AKAP6: variants seen among roughly 807,000 people sequenced by gnomAD.
AKAP6 encodes the protein A-kinase anchor protein 6.
A neutral mutation model predicts 188.5 loss-of-function variants in AKAP6; 58 were observed. That is an observed-to-expected ratio of 0.31 (90% CI 0.25 to 0.38). The LOEUF (loss-of-function observed/expected upper bound fraction) is 0.38. AKAP6 is among the 10% of genes least tolerant of loss of function. The pLI, the probability that AKAP6 is intolerant of heterozygous loss-of-function variation, is 1.00. For synonymous variants in AKAP6, 989 were observed against 998.6 expected, an observed-to-expected ratio of 0.99 and a Z score of 0.18; for missense variants, 2,710 against 2,740.0, an observed-to-expected ratio of 0.99 and a Z score of 0.24.
intron 2 of AKAP6, among the ~76,000 whole-genome samples, chr14:32,534,226 G>A (rs962585772): frequency 1.3e-5 from 2 of 152,094 alleles, no homozygotes; most frequent in Non-Finnish European, 2.9e-5. Flanking sequence ...ACTGATGGTA[G>A]GGCTCAGAAC....
chr14:32,532,556 A>C (rs1882470692), intron 2 of AKAP6, among the ~76,000 whole-genome samples: 1 of 152,178 alleles, frequency 6.6e-6, no homozygotes, highest in Non-Finnish European at 1.5e-5. Flanking sequence ...AACAGATGGC[A>C]TGTGCTTTTA....
chr14:32,722,242 A>G (rs896830621), intron 9 of AKAP6, among the ~76,000 whole-genome samples: 1 of 152,146 alleles, frequency 6.6e-6, no homozygotes, highest in African/African-American at 2.4e-5. Flanking sequence ...GGAACATTTA[A>G]TACATTGTCT....
intron 12 of AKAP6, among the ~76,000 whole-genome samples, chr14:32,791,428 G>A (rs2033606285): frequency 6.6e-6 from 1 of 152,096 alleles, no homozygotes; most frequent in Non-Finnish European, 1.5e-5. Context: ...TTTGAGAAGT[G>A]TCTGTTCATA....
At chr14:32,538,600 T>A (rs1882787859) in intron 3 of AKAP6, among the ~76,000 whole-genome samples, 1 of 152,066 alleles carries the variant, frequency 6.6e-6, no homozygotes, top group South Asian at 2.1e-4. Context: ...AACTAGTCAA[T>A]AACTAAACAA....
intron 9 of AKAP6, among the ~76,000 whole-genome samples, chr14:32,718,593 T>C (rs2030358535): frequency 6.6e-6 from 1 of 152,206 alleles, no homozygotes; most frequent in South Asian, 2.1e-4. Flanking sequence ...CCTCTTTTCT[T>C]TGATAGGTTT....
chr14:32,713,739 A>G (rs1210047779), intron 9 of AKAP6, among the ~76,000 whole-genome samples: 1 of 152,016 alleles, frequency 6.6e-6, no homozygotes, highest in African/African-American at 2.4e-5. Context: ...CTTCCTCTGA[A>G]TTAGGTTTGG....
chr14:32,614,247 A>T (rs1886465295), intron 7 of AKAP6, among the ~76,000 whole-genome samples: 1 of 152,200 alleles, frequency 6.6e-6, no homozygotes. Flanking sequence ...TTTGGCAAAT[A>T]GCATCTTTTA....
At chr14:32,645,809 A>T (rs1163553446) in intron 7 of AKAP6, among the ~76,000 whole-genome samples, 4 of 152,172 alleles carry the variant, frequency 2.6e-5, no homozygotes, top group Non-Finnish European at 5.9e-5. Flanking sequence ...GAAAAATATC[A>T]CACAAGGCTG....
chr14:32,659,419 A>G (rs1035702618), intron 7 of AKAP6, among the ~76,000 whole-genome samples: 11 of 152,130 alleles, frequency 7.2e-5, no homozygotes, highest in African/African-American at 2.7e-4. Flanking sequence ...GACCATAAGC[A>G]CAAATACTTT....
intron 9 of AKAP6, among the ~76,000 whole-genome samples, chr14:32,730,363 A>G (rs1272238863): frequency 6.6e-6 from 1 of 152,224 alleles, no homozygotes; most frequent in Non-Finnish European, 1.5e-5. Flanking sequence ...TTTTAAAGGT[A>G]ATAACCTTTT....
chr14:32,792,950 T>G (rs1421239800), intron 12 of AKAP6, among the ~76,000 whole-genome samples: 1 of 152,154 alleles, frequency 6.6e-6, no homozygotes, highest in East Asian at 1.9e-4. Flanking sequence ...AAAGAAGAAA[T>G]AAGATTCTTT....
chr14:32,807,660 C>G (rs1245647204), intron 12 of AKAP6, among the ~76,000 whole-genome samples: 1 of 152,060 alleles, frequency 6.6e-6, no homozygotes, highest in African/African-American at 2.4e-5. Context: ...CCTATTTTTT[C>G]TTGTGGCAAT....
intron 4 of AKAP6, among the ~76,000 whole-genome samples, chr14:32,576,513 T>C (rs773777405): frequency 1.1e-4 from 16 of 152,190 alleles, no homozygotes; most frequent in Non-Finnish European, 2.4e-4. Context: ...AAGTCAAGTA[T>C]TTATGTTTGT....
intron 11 of AKAP6, among the ~76,000 whole-genome samples, chr14:32,741,830 T>G (rs915967289): frequency 1.2e-4 from 17 of 147,352 alleles, no homozygotes; most frequent in African/African-American, 3.2e-4. Context: ...TTTTTTTTTT[T>G]TTTTTTTTTT....
chr14:32,795,298 A>G (rs748380286), intron 12 of AKAP6, among the ~76,000 whole-genome samples: 3 of 152,236 alleles, frequency 2.0e-5, no homozygotes, highest in Non-Finnish European at 4.4e-5. Context: ...GGTCAGCATC[A>G]TCCTGATACC....
At chr14:32,724,536 G>A (rs1373761287) in intron 9 of AKAP6, among the ~76,000 whole-genome samples, 2 of 152,092 alleles carry the variant, frequency 1.3e-5, no homozygotes, top group Admixed American at 1.3e-4. Context: ...GTAAATAACT[G>A]GTATTGCTAC....
At chr14:32,813,885 T>TG (rs1226679738) in intron 12 of AKAP6, among the ~76,000 whole-genome samples, 2 of 151,786 alleles carry the variant, frequency 1.3e-5, no homozygotes, top group Non-Finnish European at 2.9e-5. Flanking sequence ...TTTTTTTTTT[T>TG]TTTTTGCAGG....
intron 2 of AKAP6, among the ~76,000 whole-genome samples, chr14:32,462,916 A>AAAACAAAAAAAAAAAAC (rs563754965): frequency 1.1e-5 from 1 of 93,778 alleles, no homozygotes; most frequent in African/African-American, 7.0e-5. Flanking sequence ...AAAAAAAAAA[A>AAAACAAAAAAAAAAAAC]AAAAAAAAAA....
At chr14:32,405,935 AT>A (rs978589671) in intron 1 of AKAP6, among the ~76,000 whole-genome samples, 1 of 152,232 alleles carries the variant, frequency 6.6e-6, no homozygotes, top group African/African-American at 2.4e-5. Context: ...TAAATTAAAA[AT>A]TCCAAGTGTC....
Sources: gnomAD v4.1 joint callset for allele counts (sites outside exome capture counted in the v4.1 genomes callset) on GRCh38, gnomAD v4.1.1 for gene constraint, MANE v1.5 for transcripts, NCBI Gene and HGNC (gene_info 2026-07-23, HGNC 2026-07-21) for gene names.